The following RAPGEF4 variants were observed in gnomAD, a reference collection of about 807,000 sequenced individuals.
The protein encoded by RAPGEF4 is Rap guanine nucleotide exchange factor 4.
In RAPGEF4, 66 loss-of-function variants were observed where a neutral mutation model predicts 147.9. The observed-to-expected ratio is 0.45, with a 90% CI of 0.37 to 0.55. The LOEUF is 0.55. Ranked by LOEUF, RAPGEF4 falls within the 20% of genes least tolerant of loss-of-function variation. The pLI, the probability that RAPGEF4 is intolerant of heterozygous loss-of-function variation, is 0.00. For synonymous variants in RAPGEF4, 419 were observed against 442.7 expected, an observed-to-expected ratio of 0.95 and a Z score of 0.67; for missense variants, 1,071 against 1,257.3, an observed-to-expected ratio of 0.85 and a Z score of 2.24.
intron 4 of RAPGEF4, among the ~76,000 whole-genome samples, chr2:172,835,018 C>T (rs188916559): frequency 6.6e-6 from 1 of 152,222 alleles, no homozygotes. Flanking sequence ...TTGCCCCCCA[C>T]TAGCTGACAC....
chr2:172,822,078 C>A, intron 4 of RAPGEF4: 3 of 1,403,808 alleles, frequency 2.1e-6, no homozygotes, highest in East Asian at 4.8e-5. Context: ...ACATCTCTGG[C>A]TTTTCTAATT....
chr2:172,844,938 C>T lies in RAPGEF4; in HGVS notation c.444+30513C>T, dbSNP rs578152114. 2.3e-4 allele frequency among the ~76,000 whole-genome samples: 35 copies of T among 152,294 alleles called. No individual in the cohort carries two copies. The South Asian group carries it at 7.0e-3, about 31-fold the overall frequency. On this transcript the variant is annotated intron_variant, in intron 4 of 30. Transcript: ENST00000397081. ...TATATGAATGCAAAGCATGTTCAGA[C>T]CCTGGTTCCTGCCCCTAAATAAATT...
At chr2:172,758,477 G>A (rs941241751) in intron 1 of RAPGEF4, among the ~76,000 whole-genome samples, 1 of 152,172 alleles carries the variant, frequency 6.6e-6, no homozygotes, top group Non-Finnish European at 1.5e-5. Context: ...TGGGGGAAGG[G>A]GGACAATGGT....
intron 6 of RAPGEF4, among the ~76,000 whole-genome samples, chr2:172,936,804 G>A (rs930633206): frequency 1.3e-5 from 2 of 151,588 alleles, no homozygotes; most frequent in Non-Finnish European, 2.9e-5. Flanking sequence ...TGATGGCTAC[G>A]AATTCTAAAT....
intron 1 of RAPGEF4, among the ~76,000 whole-genome samples, chr2:172,786,556 G>A (rs1356842668): frequency 2.6e-5 from 4 of 152,082 alleles, no homozygotes; most frequent in South Asian, 4.2e-4. Context: ...TGGTGTCTAC[G>A]TCTCCTGAAG....
chr2:173,050,716 G>C (rs1421681418), intron 30 of RAPGEF4, among the ~76,000 whole-genome samples: 3 of 131,714 alleles, frequency 2.3e-5, no homozygotes, highest in African/African-American at 8.7e-5. Context: ...TTAAAATTGG[G>C]AGAATTCACG....
chr2:172,929,793 A>C (rs1685734573), intron 6 of RAPGEF4, among the ~76,000 whole-genome samples: 1 of 152,166 alleles, frequency 6.6e-6, no homozygotes. Context: ...GTGGGTGCTC[A>C]TGTCATCAGG....
chr2:172,896,626 A>G (rs1225329967), intron 4 of RAPGEF4, among the ~76,000 whole-genome samples: 2 of 148,870 alleles, frequency 1.3e-5, no homozygotes, highest in Non-Finnish European at 3.0e-5. Flanking sequence ...GAATGAGCGT[A>G]GTGAAAATTA....
At chr2:172,864,640 A>G (rs1424719942) in intron 4 of RAPGEF4, among the ~76,000 whole-genome samples, 1 of 152,238 alleles carries the variant, frequency 6.6e-6, no homozygotes, top group East Asian at 1.9e-4. Flanking sequence ...ACAGCGGCTC[A>G]CGCCTGTAAT....
chr2:172,821,880 A>C, intron 4 of RAPGEF4: 1 of 1,602,186 alleles, frequency 6.2e-7, no homozygotes, highest in Admixed American at 1.7e-5. Context: ...AATGAACGGC[A>C]ATGAAGGTAC....
chr2:172,764,117 G>T (rs955421316), intron 1 of RAPGEF4, among the ~76,000 whole-genome samples: 1 of 152,048 alleles, frequency 6.6e-6, no homozygotes, highest in South Asian at 2.1e-4. Flanking sequence ...AGCCAAGCAT[G>T]GTGGTGCATG....
At chr2:172,875,566 G>A (rs1695814728) in intron 4 of RAPGEF4, among the ~76,000 whole-genome samples, 3 of 152,052 alleles carry the variant, frequency 2.0e-5, no homozygotes, top group Admixed American at 2.0e-4. Context: ...GTAGATGTGT[G>A]GTATTATTTC....
At chr2:172,902,032 T>C (rs975565640) in intron 4 of RAPGEF4, among the ~76,000 whole-genome samples, 1 of 152,134 alleles carries the variant, frequency 6.6e-6, no homozygotes, top group African/African-American at 2.4e-5. Context: ...GAGGAGGTTA[T>C]ATTTAAGCTC....
At position 172,967,438 on chromosome 2, in the gene RAPGEF4, G is replaced by A. The variant is rs777964823; in HGVS notation, c.998G>A (p.Arg333His). The stretch of plus-strand genomic sequence containing the variant: ...GACGCCCACATGAGGATGATCCTTC[G>A]CAAACCGTGAGTGAGAGCTCGTGGC... ...GPDAHMRMIL[R>H]KPPGQRTVDD... Residue 333 changes from arginine to histidine, a missense_variant, in exon 10 of 31, where the codon CGC (arginine) becomes CAC (histidine). Coordinates refer to ENST00000397081, the MANE Select transcript of RAPGEF4 (RefSeq NM_007023.4). The A allele has an allele frequency of 3.0e-5, 48 of 1,610,530 alleles. No individual in the cohort carries two copies. Among genetic ancestry groups the A allele is most frequent in the Admixed American group, 1.0e-4 (6 of 59,910 alleles).
intron 6 of RAPGEF4, among the ~76,000 whole-genome samples, chr2:172,937,365 C>A (rs1418716195): frequency 1.3e-5 from 2 of 152,148 alleles, no homozygotes; most frequent in Non-Finnish European, 2.9e-5. Context: ...ATCCATTTCT[C>A]AGACTTTCCT....
At position 172,790,535 on chromosome 2, in the gene RAPGEF4, A is replaced by T. The variant is rs570755518; in HGVS notation, c.66-4490A>T. Among the ~76,000 whole-genome samples, 179 of 152,244 alleles carry T rather than the reference A, an allele frequency of 1.2e-3. 1 individual carries two copies. Among genetic ancestry groups the T allele is most frequent in the African/African-American group, 4.0e-3 (168 of 41,562 alleles). ...AGCGAGCTATAATTAGAGAAACCAC[A>T]TCATCATTTTGATATACTGCAAGAA... On this transcript the variant is annotated intron_variant, in intron 1 of 30. Transcript: ENST00000397081.
At chr2:172,777,864 C>A (rs910726020) in intron 1 of RAPGEF4, among the ~76,000 whole-genome samples, 3 of 152,142 alleles carry the variant, frequency 2.0e-5, no homozygotes, top group Non-Finnish European at 4.4e-5. Context: ...TGAAAGCAGT[C>A]ACTTCCTATA....
chr2:172,757,364 G>A (rs1695874915), intron 1 of RAPGEF4, among the ~76,000 whole-genome samples: 1 of 152,146 alleles, frequency 6.6e-6, no homozygotes, highest in African/African-American at 2.4e-5. Flanking sequence ...TTAGCATCCT[G>A]TGTACTTCTG....
intron 27 of RAPGEF4, among the ~76,000 whole-genome samples, chr2:173,034,873 AACACACACAC>A (rs34646146): frequency 4.3e-5 from 6 of 140,846 alleles, no homozygotes; most frequent in Non-Finnish European, 6.2e-5. Flanking sequence ...ACCCCGTCTC[AACACACACAC>A]ACACACACAC....
Sources: gnomAD v4.1 joint callset for allele counts (sites outside exome capture counted in the v4.1 genomes callset) on GRCh38, gnomAD v4.1.1 for gene constraint, MANE v1.5 for transcripts, NCBI Gene and HGNC (gene_info 2026-07-23, HGNC 2026-07-21) for gene names.